Variants in FERRY3 observed in about 807,000 individuals in gnomAD.
The protein encoded by FERRY3 is FERRY endosomal RAB5 effector complex subunit 3.
At chr12:4,518,862 C>A in the FERRY3 span, 6 of 1,580,616 alleles carry the variant, frequency 3.8e-6, no homozygotes, top group Non-Finnish European at 5.2e-6. Context: ...ACTGACTTGG[C>A]TGAACTTTAA....
chr12:4,503,660 ATCC>A, the FERRY3 span, among the ~76,000 whole-genome samples: 1 of 152,198 alleles, frequency 6.6e-6, no homozygotes, highest in Non-Finnish European at 1.5e-5. Flanking sequence ...CTTATGATAC[ATCC>A]TCCTGATTTG....
the FERRY3 span, among the ~76,000 whole-genome samples, chr12:4,522,901 A>G: frequency 6.6e-6 from 1 of 152,242 alleles, no homozygotes; most frequent in Non-Finnish European, 1.5e-5. Flanking sequence ...TGAAAGAAGC[A>G]AGATACAAAT....
At chr12:4,511,227 C>G in the FERRY3 span, among the ~76,000 whole-genome samples, 1 of 151,688 alleles carries the variant, frequency 6.6e-6, no homozygotes, top group African/African-American at 2.4e-5. Flanking sequence ...CAGGAGCACC[C>G]AGATTCATAA....
At chr12:4,524,110 C>T in the FERRY3 span, among the ~76,000 whole-genome samples, 1 of 151,924 alleles carries the variant, frequency 6.6e-6, no homozygotes, top group African/African-American at 2.4e-5. Flanking sequence ...GGATAACTTT[C>T]ACAGCAAAGG....
chr12:4,497,039 T>C, the FERRY3 span, among the ~76,000 whole-genome samples: 1 of 152,206 alleles, frequency 6.6e-6, no homozygotes, highest in Non-Finnish European at 1.5e-5. Context: ...CCTAAGTATT[T>C]TGACAAGCTA....
At chr12:4,498,386 A>G in the FERRY3 span, among the ~76,000 whole-genome samples, 1 of 152,238 alleles carries the variant, frequency 6.6e-6, no homozygotes, top group Non-Finnish European at 1.5e-5. Flanking sequence ...ACAATAGCTA[A>G]AAATTCCTGA....
chr12:4,494,714 C>T, the FERRY3 span, among the ~76,000 whole-genome samples: 5,121 of 152,314 alleles, frequency 0.034, 286 homozygotes, highest in African/African-American at 0.12. Flanking sequence ...TCACATTGCA[C>T]TGATTACTGT....
At chr12:4,495,136 A>G in the FERRY3 span, among the ~76,000 whole-genome samples, 5 of 152,108 alleles carry the variant, frequency 3.3e-5, no homozygotes, top group East Asian at 1.9e-4. Context: ...GTCTTTGTGC[A>G]TCTGTTTTTA....
At chr12:4,509,938 A>T in the FERRY3 span, among the ~76,000 whole-genome samples, 2 of 139,822 alleles carry the variant, frequency 1.4e-5, no homozygotes, top group Non-Finnish European at 3.0e-5. Flanking sequence ...CAGACGATCA[A>T]ATTACTCTGA....
chr12:4,525,601 A>AAATC, the FERRY3 span: 3 of 1,551,446 alleles, frequency 1.9e-6, no homozygotes, highest in Non-Finnish European at 2.7e-6. Context: ...ACAAATAAAC[A>AAATC]AATCAGGGAT....
At chr12:4,536,964 G>C in the FERRY3 span, among the ~76,000 whole-genome samples, 64 of 152,228 alleles carry the variant, frequency 4.2e-4, no homozygotes, top group Non-Finnish European at 8.4e-4. Flanking sequence ...ATACTTATCT[G>C]ATCATGTTGT....
chr12:4,491,545 T>C, the FERRY3 span, among the ~76,000 whole-genome samples: 1 of 152,214 alleles, frequency 6.6e-6, no homozygotes, highest in Non-Finnish European at 1.5e-5. Flanking sequence ...CTACTCTCAA[T>C]GTTAGCATGA....
At chr12:4,523,345 C>T in the FERRY3 span, among the ~76,000 whole-genome samples, 3 of 152,202 alleles carry the variant, frequency 2.0e-5, no homozygotes, top group African/African-American at 7.2e-5. Flanking sequence ...TGATTCTACA[C>T]TTTTACACTG....
At chr12:4,491,263 G>A in the FERRY3 span, 1 of 1,573,308 alleles carries the variant, frequency 6.4e-7, no homozygotes, top group Non-Finnish European at 8.7e-7. Context: ...CATAAGATAT[G>A]TTTTTGATAG....
At chr12:4,500,184 A>G in the FERRY3 span, 1 of 1,614,088 alleles carries the variant, frequency 6.2e-7, no homozygotes, top group Non-Finnish European at 8.5e-7. Flanking sequence ...TATTGTTGTG[A>G]TGTCATGGGT....
chr12:4,525,338 G>A, the FERRY3 span: 1 of 1,613,448 alleles, frequency 6.2e-7, no homozygotes, highest in Non-Finnish European at 8.5e-7. Flanking sequence ...GATGGCAGTT[G>A]ATTGTTTTAA....
the FERRY3 span, among the ~76,000 whole-genome samples, chr12:4,527,912 G>GA: frequency 0.09 from 13,291 of 147,282 alleles, 683 homozygotes; most frequent in Non-Finnish European, 0.12. Context: ...ACTATTCCAT[G>GA]AAAAAAAAAA....
the FERRY3 span, among the ~76,000 whole-genome samples, chr12:4,512,358 G>C: frequency 2.2e-4 from 33 of 152,234 alleles, no homozygotes; most frequent in African/African-American, 7.5e-4. Flanking sequence ...CCAATCAATA[G>C]GAAAAGAGGG....
At chr12:4,536,351 G>T in the FERRY3 span, 2 of 409,232 alleles carry the variant, frequency 4.9e-6, no homozygotes, top group Non-Finnish European at 8.3e-6. Context: ...TTTCCCAAGT[G>T]TTTATCCCTG....
Sources: gnomAD v4.1 joint callset for allele counts (sites outside exome capture counted in the v4.1 genomes callset) on GRCh38, gnomAD v4.1.1 for gene constraint, MANE v1.5 for transcripts, NCBI Gene and HGNC (gene_info 2026-07-23, HGNC 2026-07-21) for gene names.